Variants in SHTN1 observed in about 807,000 individuals in gnomAD.
The protein encoded by SHTN1 is shootin 1.
Under a neutral mutation model 83.1 loss-of-function variants are expected in SHTN1, and 42 were observed. The ratio of observed to expected loss-of-function variants is 0.51; its 90% CI spans 0.39 to 0.65. The LOEUF is 0.65. Ranked by LOEUF, SHTN1 falls within the 30% of genes least tolerant of loss-of-function variation. The probability of loss-of-function intolerance (pLI) is 0.00; values close to 1 mark genes in which losing one functional copy is unlikely to be tolerated. For missense variants in SHTN1, 622 were observed against 737.8 expected (o/e 0.84, Z 1.82); for synonymous variants, 224 against 247.7 (o/e 0.90, Z 0.90).
intron 2 of SHTN1, among the ~76,000 whole-genome samples, chr10:117,027,636 C>A (rs1852350654): frequency 6.6e-6 from 1 of 151,986 alleles, no homozygotes; most frequent in Non-Finnish European, 1.5e-5. Context: ...GTAGCTGGGA[C>A]TACAGGCACC....
At chr10:117,065,838 AAGGAAGGAAGG>A (rs1852988650) in intron 1 of SHTN1, among the ~76,000 whole-genome samples, 1 of 58,866 alleles carries the variant, frequency 1.7e-5, no homozygotes, top group Non-Finnish European at 3.5e-5. Flanking sequence ...GGAAGGAAGG[AAGGAAGGAAGG>A]AAGGAAAGGA....
At chr10:116,912,336 G>A (rs1056276337) in intron 13 of SHTN1, among the ~76,000 whole-genome samples, 1 of 152,166 alleles carries the variant, frequency 6.6e-6, no homozygotes, top group Non-Finnish European at 1.5e-5. Flanking sequence ...CAGGGGCCTG[G>A]CATGTAAGAA....
At chr10:116,931,573 A>G (rs1848968966) in intron 9 of SHTN1, among the ~76,000 whole-genome samples, 1 of 152,168 alleles carries the variant, frequency 6.6e-6, no homozygotes, top group Non-Finnish European at 1.5e-5. Flanking sequence ...CAACAGCAAA[A>G]AGTTGCAAAT....
At chr10:117,125,033 A>G (rs754924216) in intron 1 of SHTN1, among the ~76,000 whole-genome samples, 22 of 152,150 alleles carry the variant, frequency 1.4e-4, no homozygotes, top group Admixed American at 4.6e-4. Context: ...TGAGCCAAAC[A>G]TGGACCCAGC....
intron 2 of SHTN1, among the ~76,000 whole-genome samples, chr10:117,043,525 T>C (rs1454889039): frequency 6.6e-6 from 1 of 152,200 alleles, no homozygotes; most frequent in Non-Finnish European, 1.5e-5. Flanking sequence ...TCACAATTCT[T>C]TTCTTTTTAA....
intron 2 of SHTN1, among the ~76,000 whole-genome samples, chr10:117,030,311 C>G (rs1308338923): frequency 6.6e-6 from 1 of 152,038 alleles, no homozygotes; most frequent in East Asian, 1.9e-4. Context: ...TTGTGTGCCC[C>G]CTAAAGCAGA....
At chr10:117,049,894 G>A (rs1471574318) in intron 1 of SHTN1, among the ~76,000 whole-genome samples, 1 of 152,052 alleles carries the variant, frequency 6.6e-6, no homozygotes, top group East Asian at 1.9e-4. Context: ...ACTGCTAAAT[G>A]CTTATATTAG....
intron 3 of SHTN1, among the ~76,000 whole-genome samples, chr10:116,963,392 G>A (rs1422537920): frequency 1.3e-5 from 2 of 151,660 alleles, no homozygotes; most frequent in East Asian, 1.9e-4. Flanking sequence ...TTTTTTAAAC[G>A]TTTAGCTATT....
At chr10:117,072,377 G>A (rs1349831348) in intron 1 of SHTN1, among the ~76,000 whole-genome samples, 1 of 152,118 alleles carries the variant, frequency 6.6e-6, no homozygotes, top group Non-Finnish European at 1.5e-5. Flanking sequence ...CCCACATCGT[G>A]AATTTTAGCT....
chr10:117,023,067 C>T (rs1852285908), intron 2 of SHTN1, among the ~76,000 whole-genome samples: 1 of 152,180 alleles, frequency 6.6e-6, no homozygotes. Flanking sequence ...AATATGACAA[C>T]ATTAAAAGCT....
At chr10:116,953,080 C>T (rs1849832163) in intron 5 of SHTN1, among the ~76,000 whole-genome samples, 1 of 152,144 alleles carries the variant, frequency 6.6e-6, no homozygotes, top group South Asian at 2.1e-4. Flanking sequence ...CTGTAACATC[C>T]TTTCTTCTTT....
At chr10:117,065,836 G>A (rs1343432114) in intron 1 of SHTN1, among the ~76,000 whole-genome samples, 1 of 70,292 alleles carries the variant, frequency 1.4e-5, no homozygotes, top group East Asian at 7.5e-4. Flanking sequence ...AAGGAAGGAA[G>A]GAAGGAAGGA....
chr10:116,884,612 T>A lies in SHTN1; in HGVS notation c.*1732A>T, dbSNP rs1847110743. On this transcript the variant is annotated 3_prime_UTR_variant, in exon 17 of 17. Transcript: ENST00000355371. ...TCCTAAATGTGTGTGAGTTGCATGC[T>A]GGCAGACAGATCACAGATGCAAGAA... is the stretch of plus-strand genomic sequence containing the variant. The A allele has an allele frequency of 1.1e-5, 2 of 180,832 alleles. No individual in the cohort carries two copies. Among genetic ancestry groups the A allele is most frequent in the South Asian group, 1.1e-4 (1 of 9,374 alleles). The allele number at this position is 180,832 out of a possible 1,614,324, so 11.2% of individuals were successfully genotyped here.
chr10:117,044,710 C>T (rs2133583321), intron 2 of SHTN1, among the ~76,000 whole-genome samples: 1 of 152,172 alleles, frequency 6.6e-6, no homozygotes. Context: ...CTCCAAAAAC[C>T]TCCTTGAAAA....
intron 2 of SHTN1, among the ~76,000 whole-genome samples, chr10:117,021,886 G>A (rs918866682): frequency 1.3e-5 from 2 of 152,088 alleles, no homozygotes; most frequent in Non-Finnish European, 2.9e-5. Flanking sequence ...AATAGGACCC[G>A]GTTATTTAAT....
At chr10:116,968,531 G>C (rs1434056844) in intron 3 of SHTN1, 121 bp downstream of exon 3, 3 of 635,808 alleles carry the variant, frequency 4.7e-6, no homozygotes, top group South Asian at 5.0e-5. Context: ...CAAATAGAAA[G>C]AAGTCTTGCT....
intron 9 of SHTN1, among the ~76,000 whole-genome samples, chr10:116,931,762 CTATATT>C (rs1848977707): frequency 6.6e-6 from 1 of 152,092 alleles, no homozygotes; most frequent in African/African-American, 2.4e-5. Flanking sequence ...TTTAAACAAA[CTATATT>C]TATAAAGGTA....
At chr10:117,089,701 A>G (rs1207289199) in intron 1 of SHTN1, among the ~76,000 whole-genome samples, 1 of 152,188 alleles carries the variant, frequency 6.6e-6, no homozygotes, top group East Asian at 1.9e-4. Context: ...ATCTGATAAA[A>G]TATTAATATT....
chr10:116,960,982 T>C (rs1250371449), intron 3 of SHTN1, among the ~76,000 whole-genome samples: 1 of 152,106 alleles, frequency 6.6e-6, no homozygotes, highest in African/African-American at 2.4e-5. Flanking sequence ...AGGTATAAAG[T>C]GATTTAGAAC....
Sources: allele counts gnomAD v4.1 joint callset (sites outside exome capture counted in the v4.1 genomes callset), GRCh38; gene constraint gnomAD v4.1.1; transcripts MANE v1.5; gene names NCBI Gene and HGNC (gene_info 2026-07-23, HGNC 2026-07-21).